KIAA0825: variants seen among roughly 807,000 people sequenced by gnomAD.
KIAA0825 encodes KIAA0825, also known as uncharacterized protein KIAA0825.
Under a neutral mutation model 147.6 loss-of-function variants are expected in KIAA0825, and 119 were observed. That is an observed-to-expected ratio of 0.81 (90% CI 0.69 to 0.94). KIAA0825 has a LOEUF of 0.94. Among genes scored for constraint, KIAA0825 ranks in the 40% least tolerant of loss-of-function variants. KIAA0825 has a pLI of 0.00. For missense variants in KIAA0825, 1,381 were observed against 1,472.7 expected (o/e 0.94, Z 1.02); for synonymous variants, 470 against 518.1 (o/e 0.91, Z 1.26).
Position 94,473,365 on chromosome 5 carries a change from A to G in KIAA0825, c.1382T>C (p.Leu461Pro). 6.4e-7 allele frequency: 1 copy of G among 1,551,938 alleles called. No homozygotes were observed. The highest frequency in any genetic ancestry group is 8.7e-7 in the Non-Finnish European group (1 of 1,147,044). ...RSSAVSYAMN[L>P]VNVQQVWQDS... ...TTGCCAAACTTGCTGGACATTTACAAGGTTCATAGCATAGCTCACAGCTGA... is the reference window on the plus strand; with the variant it reads ...TTGCCAAACTTGCTGGACATTTACAGGGTTCATAGCATAGCTCACAGCTGA... Residue 461 changes from leucine (L) to proline (P), a missense_variant, in exon 8 of 21, where the codon CTT (leucine) becomes CCT (proline). Leu to Pro is a moderately conservative substitution (Grantham distance 98, BLOSUM62 -3). Transcript: ENST00000682413.
intron 20 of KIAA0825, among the ~76,000 whole-genome samples, chr5:94,182,612 C>T (rs905141167): frequency 7.2e-5 from 11 of 151,908 alleles, no homozygotes; most frequent in African/African-American, 2.2e-4. Flanking sequence ...TCTCCAGTCT[C>T]GCCTCCTTCT....
intron 20 of KIAA0825, among the ~76,000 whole-genome samples, chr5:94,206,787 C>G (rs1772240352): frequency 6.6e-6 from 1 of 152,134 alleles, no homozygotes; most frequent in Non-Finnish European, 1.5e-5. Flanking sequence ...CCTATAAGGT[C>G]TCATCACTTT....
chr5:94,500,078 T>C (rs956878288), intron 5 of KIAA0825, among the ~76,000 whole-genome samples: 1 of 152,142 alleles, frequency 6.6e-6, no homozygotes, highest in African/African-American at 2.4e-5. Flanking sequence ...TTTCTGTCAG[T>C]TCAGTGTTAC....
intron 20 of KIAA0825, among the ~76,000 whole-genome samples, chr5:94,302,100 T>C (rs1428181679): frequency 6.6e-6 from 1 of 152,120 alleles, no homozygotes; most frequent in Non-Finnish European, 1.5e-5. Context: ...CACTTCATGC[T>C]TGAGTCATGC....
intron 7 of KIAA0825, among the ~76,000 whole-genome samples, chr5:94,475,764 G>A (rs1275993793): frequency 6.6e-6 from 1 of 152,072 alleles, no homozygotes; most frequent in East Asian, 1.9e-4. Context: ...AGCTGAGATT[G>A]CACCACTGCA....
At chr5:94,546,025 G>A (rs749905248) in intron 2 of KIAA0825, among the ~76,000 whole-genome samples, 3 of 152,128 alleles carry the variant, frequency 2.0e-5, no homozygotes, top group Non-Finnish European at 2.9e-5. Flanking sequence ...TTCACGACAA[G>A]CTGACTGACT....
At chr5:94,564,995 TC>T (rs1778372708) in intron 2 of KIAA0825, among the ~76,000 whole-genome samples, 1 of 130,176 alleles carries the variant, frequency 7.7e-6, no homozygotes, top group Non-Finnish European at 1.7e-5. Flanking sequence ...TCTCTTCTCC[TC>T]TCTCTCTCTC....
intron 20 of KIAA0825, among the ~76,000 whole-genome samples, chr5:94,358,796 C>T (rs968820048): frequency 2.6e-5 from 4 of 152,200 alleles, no homozygotes; most frequent in Non-Finnish European, 5.9e-5. Context: ...TTATTCACCA[C>T]CAGGTTTCCA....
At chr5:94,450,151 T>C (rs1326348837) in intron 13 of KIAA0825, among the ~76,000 whole-genome samples, 1 of 151,586 alleles carries the variant, frequency 6.6e-6, no homozygotes, top group Non-Finnish European at 1.5e-5. Context: ...TATAGACAAC[T>C]ATGTAGATGA....
chr5:94,237,439 G>A (rs1775111233), intron 20 of KIAA0825, among the ~76,000 whole-genome samples: 1 of 152,204 alleles, frequency 6.6e-6, no homozygotes, highest in Admixed American at 6.5e-5. Context: ...GAGGGTGCAA[G>A]CTCAGTGTGT....
chr5:94,436,666 T>C (rs1756414488), intron 14 of KIAA0825, among the ~76,000 whole-genome samples: 1 of 152,168 alleles, frequency 6.6e-6, no homozygotes, highest in African/African-American at 2.4e-5. Context: ...AGAATGTCAA[T>C]GGTACCTTAA....
chr5:94,219,010 A>G (rs919221465), intron 20 of KIAA0825, among the ~76,000 whole-genome samples: 20 of 152,180 alleles, frequency 1.3e-4, no homozygotes, highest in African/African-American at 4.6e-4. Context: ...TAGATACTCC[A>G]TAAGTAGCTC....
intron 20 of KIAA0825, among the ~76,000 whole-genome samples, chr5:94,314,255 C>T (rs1171664393): frequency 1.3e-5 from 2 of 151,636 alleles, no homozygotes; most frequent in South Asian, 2.1e-4. Context: ...ATATATCTCT[C>T]TCCTAACACT....
intron 20 of KIAA0825, among the ~76,000 whole-genome samples, chr5:94,346,717 A>G (rs1783039814): frequency 1.3e-5 from 2 of 152,192 alleles, no homozygotes; most frequent in African/African-American, 2.4e-5. Flanking sequence ...CACCACAGGG[A>G]TCCAACGGGA....
At chr5:94,601,722 C>T (rs989940620) in intron 1 of KIAA0825, among the ~76,000 whole-genome samples, 3 of 152,228 alleles carry the variant, frequency 2.0e-5, no homozygotes, top group Admixed American at 1.3e-4. Flanking sequence ...CTGAAAAACA[C>T]CATACAACAA....
chr5:94,606,682 A>G lies in KIAA0825; in HGVS notation c.-153+11818T>C, dbSNP rs1787552171. Among the ~76,000 whole-genome samples, 3 of 152,330 alleles carry G rather than the reference A, an allele frequency of 2.0e-5. No homozygotes were observed. In the South Asian group the frequency reaches 6.2e-4, roughly 32 times the overall value. On this transcript the variant is annotated intron_variant, in intron 1 of 20. Coordinates refer to ENST00000682413, the MANE Select transcript of KIAA0825 (RefSeq NM_001145678.3). Reference sequence around the variant, plus strand: ...CAGATAACCTACAGAATGGGAGAAAATATTTGGAAACTATGTATCTGACAA... The same window carrying G: ...CAGATAACCTACAGAATGGGAGAAAGTATTTGGAAACTATGTATCTGACAA...
At chr5:94,493,510 C>T (rs548878735) in intron 5 of KIAA0825, among the ~76,000 whole-genome samples, 12 of 152,042 alleles carry the variant, frequency 7.9e-5, no homozygotes, top group African/African-American at 1.7e-4. Context: ...GTTGTTGAGA[C>T]GGAGTCTTCC....
intron 13 of KIAA0825, 38 bp downstream of exon 13, chr5:94,452,921 A>T: frequency 2.9e-6 from 3 of 1,038,716 alleles, no homozygotes; most frequent in Non-Finnish European, 4.0e-6. Flanking sequence ...AAAAGGAATC[A>T]TAGAATTATA....
chr5:94,301,628 C>T (rs11743755), intron 20 of KIAA0825, among the ~76,000 whole-genome samples: 13 of 151,694 alleles, frequency 8.6e-5, no homozygotes, highest in Non-Finnish European at 1.3e-4. Flanking sequence ...AAGTACTTAA[C>T]GTATTCAGAG....
Sources: gnomAD v4.1 joint callset for allele counts (sites outside exome capture counted in the v4.1 genomes callset) on GRCh38, gnomAD v4.1.1 for gene constraint, MANE v1.5 for transcripts, NCBI Gene and HGNC (gene_info 2026-07-23, HGNC 2026-07-21) for gene names.